The following HMCN1 variants were observed in gnomAD, a reference collection of about 807,000 sequenced individuals.
HMCN1 encodes hemicentin-1.
A neutral mutation model predicts 625.9 loss-of-function variants in HMCN1; 321 were observed. That is an observed-to-expected ratio of 0.51 (90% confidence interval 0.47 to 0.56). HMCN1 has a LOEUF of 0.56. Ranked by LOEUF, HMCN1 falls within the 20% of genes least tolerant of loss-of-function variation. The pLI, the probability that HMCN1 is intolerant of heterozygous loss-of-function variation, is 0.00. For missense variants in HMCN1, 6,588 were observed against 6,887.3 expected (o/e 0.96, Z 1.54); for synonymous variants, 2,425 against 2,417.6 (o/e 1.00, Z -0.09).
intron 11 of HMCN1, among the ~76,000 whole-genome samples, chr1:185,940,813 G>T (rs1348378738): frequency 6.6e-6 from 1 of 152,026 alleles, no homozygotes; most frequent in East Asian, 1.9e-4. Context: ...GCCCAGGCTG[G>T]AGTGCAATGG....
At chr1:185,836,012 T>C (rs540960892) in intron 1 of HMCN1, among the ~76,000 whole-genome samples, 7 of 152,228 alleles carry the variant, frequency 4.6e-5, no homozygotes, top group African/African-American at 1.7e-4. Flanking sequence ...AGTGAGAGGA[T>C]TGAAAAAGAA....
chr1:186,114,801 T>A lies in HMCN1; in HGVS notation c.11277-18T>A. The A allele has an allele frequency of 6.2e-7, 1 of 1,614,086 alleles. No homozygotes were observed. ...AAAAGGCTGATTCAGAAGACTTCAC[T>A]TGTGATTTCTCTTGTAGATATTCCA... On this transcript the variant is annotated intron_variant, in intron 73 of 106. Transcript: ENST00000271588.
chr1:185,964,335 C>T (rs920745157), intron 13 of HMCN1, among the ~76,000 whole-genome samples: 12 of 152,092 alleles, frequency 7.9e-5, no homozygotes, highest in African/African-American at 2.9e-4. Flanking sequence ...AAGCGTACTT[C>T]ATGAAAATTA....
At chr1:185,993,141 TCTC>T in intron 22 of HMCN1, 38 bp from the exon 23 acceptor site, 13 of 1,594,710 alleles carry the variant, frequency 8.2e-6, no homozygotes, top group Non-Finnish European at 1.0e-5. Flanking sequence ...ATATTTAAAT[TCTC>T]CTCTTCCATG....
Position 185,984,398 on chromosome 1 carries a change from T to G in HMCN1, c.2935+85T>G, listed in dbSNP as rs148485445. The G allele has an allele frequency of 3.0e-4, 368 of 1,227,044 alleles. 1 individual carries two copies. In the African/African-American group the frequency reaches 4.9e-3, roughly 16 times the overall value. The allele number at this position is 1,227,044 out of a possible 1,614,324, so 76.0% of individuals were successfully genotyped here. A position where few individuals can be genotyped will look rare whatever the true frequency, so the allele number is the denominator to read the frequency against. On this transcript the variant is annotated intron_variant, in intron 19 of 106. Transcript: ENST00000271588. ...TTTTAATCAAATAACTCTGTTCCTC[T>G]AATTACAATTAGATATCTCTCTTAA...
At chr1:185,787,163 G>GTC (rs1657664921) in intron 1 of HMCN1, among the ~76,000 whole-genome samples, 1 of 151,914 alleles carries the variant, frequency 6.6e-6, no homozygotes, top group Admixed American at 6.6e-5. Context: ...GTGTGTGTGT[G>GTC]TGTGTGTGTG....
chr1:185,894,122 G>A lies in HMCN1; in HGVS notation c.622-15215G>A, dbSNP rs532419116. 8.6e-5 allele frequency among the ~76,000 whole-genome samples: 13 copies of A among 151,628 alleles called. No homozygotes were observed. The South Asian group carries it at 2.3e-3, about 27-fold the overall frequency. On this transcript the variant is annotated intron_variant, in intron 4 of 106. Coordinates refer to ENST00000271588, the MANE Select transcript of HMCN1 (RefSeq NM_031935.3). ...TGCACTCTATCCTGGGCTACAGAGC[G>A]AGACTCCGTGTCAAAAAAAACAAAA... is the stretch of plus-strand genomic sequence containing the variant.
chr1:185,847,577 A>G (rs1037038421), intron 2 of HMCN1, among the ~76,000 whole-genome samples: 1 of 152,082 alleles, frequency 6.6e-6, no homozygotes, highest in Non-Finnish European at 1.5e-5. Context: ...CACCTATCCT[A>G]TCCTTATTCA....
chr1:185,950,055 G>T (rs1470817869), intron 11 of HMCN1, among the ~76,000 whole-genome samples: 1 of 151,796 alleles, frequency 6.6e-6, no homozygotes, highest in Non-Finnish European at 1.5e-5. Context: ...TAAATCAAGC[G>T]TGATCAGGGT....
chr1:186,048,656 AAAT>A (rs1656735505), intron 41 of HMCN1, 84 bp from the exon 42 acceptor site: 1 of 827,118 alleles, frequency 1.2e-6, no homozygotes, highest in South Asian at 1.4e-5. Flanking sequence ...TTCAGAATAA[AAAT>A]AAGAAATAGA....
intron 6 of HMCN1, among the ~76,000 whole-genome samples, chr1:185,920,977 C>T (rs965802097): frequency 1.4e-4 from 22 of 152,148 alleles, no homozygotes; most frequent in African/African-American, 5.3e-4. Context: ...TAAAGCTCTA[C>T]ATTATCTAAA....
At chr1:185,911,892 T>C (rs1666444877) in intron 6 of HMCN1, 112 bp downstream of exon 6, 1 of 845,178 alleles carries the variant, frequency 1.2e-6, no homozygotes, top group Non-Finnish European at 2.0e-6. Flanking sequence ...TGGAGAGTGC[T>C]TGTAATAAAA....
intron 16 of HMCN1, among the ~76,000 whole-genome samples, chr1:185,980,556 A>G (rs541985354): frequency 6.6e-6 from 1 of 152,276 alleles, no homozygotes; most frequent in South Asian, 2.1e-4. Context: ...CAGTCATTGC[A>G]TCAACTAAAA....
At chr1:186,118,972 G>A (rs746994368) in intron 77 of HMCN1, among the ~76,000 whole-genome samples, 2 of 152,146 alleles carry the variant, frequency 1.3e-5, no homozygotes, top group South Asian at 2.1e-4. Flanking sequence ...ATTGAATTGC[G>A]CATTTAAATG....
Position 186,045,804 on chromosome 1 carries a change from G to T in HMCN1, c.6421G>T (p.Gly2141Cys). The T allele has an allele frequency of 6.2e-7, 1 of 1,612,920 alleles. No individual in the cohort carries two copies. The highest frequency in any genetic ancestry group is 8.5e-7 in the Non-Finnish European group (1 of 1,179,230). ...ACCTACTCTTACTTGGTTAAAAGAC[G>T]GCCACCCCTTGCTGAAGAAACCAGG... ...PPPTLTWLKD[G>C]HPLLKKPGLS... The change falls in exon 41 of 107, where the codon GGC becomes TGC. Residue 2141 changes from glycine (G) to cysteine (C), a missense_variant. Gly to Cys is a radical substitution (Grantham distance 159). Around this residue, in one of 3 missense-constraint regions of HMCN1, gnomAD observed 4,628 missense variants for 4,853.1 expected, o/e 0.95. Transcript: ENST00000271588.
intron 22 of HMCN1, among the ~76,000 whole-genome samples, chr1:185,991,703 TC>T (rs906644937): frequency 1.3e-5 from 2 of 150,450 alleles, no homozygotes; most frequent in African/African-American, 5.0e-5. Flanking sequence ...GTTTGTTTAT[TC>T]TTTTTTTTAA....
rs540917580 is a variant in HMCN1 at position 186,061,794 on chromosome 1, T to G, written c.7313-57T>G. The G allele has an allele frequency of 4.0e-5, 49 of 1,220,090 alleles. No homozygotes were observed. The African/African-American group carries it at 6.9e-4, about 17-fold the overall frequency. The allele number at this position is 1,220,090 out of a possible 1,614,324, so 75.6% of individuals were successfully genotyped here. ...CGAAATTGAGCATCACTTGGATGGC[T>G]TATAAAGTTTCATTTTTCTTTTTAA... On this transcript the variant is annotated intron_variant, in intron 46 of 106. Transcript: ENST00000271588.
intron 49 of HMCN1, among the ~76,000 whole-genome samples, chr1:186,066,928 T>C (rs1658153813): frequency 6.6e-6 from 1 of 152,140 alleles, no homozygotes; most frequent in African/African-American, 2.4e-5. Context: ...TTTAAAAATG[T>C]ATACCTGTAA....
intron 21 of HMCN1, 83 bp from the exon 22 acceptor site, chr1:185,990,192 T>C (rs1331310831): frequency 1.7e-6 from 2 of 1,146,858 alleles, no homozygotes; most frequent in Non-Finnish European, 2.6e-6. Context: ...TTAAGAACAT[T>C]AGTAGTCCAC....
Sources: gnomAD v4.1 joint callset for allele counts (sites outside exome capture counted in the v4.1 genomes callset) on GRCh38, gnomAD v4.1.1 for gene constraint, gnomAD v4.1.1 regional missense constraint, MANE v1.5 for transcripts, NCBI Gene and HGNC (gene_info 2026-07-23, HGNC 2026-07-21) for gene names.